The following GGA2 variants were observed in gnomAD, a reference collection of about 807,000 sequenced individuals.
GGA2 encodes the protein ADP-ribosylation factor-binding protein GGA2.
Under a neutral mutation model 79.5 loss-of-function variants are expected in GGA2, and 48 were observed. That is an observed-to-expected ratio of 0.60 (90% confidence interval 0.48 to 0.77). The LOEUF (loss-of-function observed/expected upper bound fraction) is 0.77, where lower values mean the gene tolerates loss of function less well. Among genes scored for constraint, GGA2 ranks in the 30% least tolerant of loss-of-function variants. The pLI is 0.00. For synonymous variants in GGA2, 317 were observed against 302.0 expected (o/e 1.05, Z -0.51); for missense variants, 770 against 774.0 (o/e 0.99, Z 0.06).
At chr16:23,488,920 C>A (rs1311211092) in intron 5 of GGA2, among the ~76,000 whole-genome samples, 1 of 152,162 alleles carries the variant, frequency 6.6e-6, no homozygotes, top group Non-Finnish European at 1.5e-5. Context: ...GACAGCAGAG[C>A]CAACTATGTC....
At chr16:23,476,336 T>C (rs1371926981) in intron 13 of GGA2, among the ~76,000 whole-genome samples, 1 of 152,162 alleles carries the variant, frequency 6.6e-6, no homozygotes, top group Non-Finnish European at 1.5e-5. Flanking sequence ...ATCAGGAACA[T>C]GGGCACTTTC....
Position 23,504,018 on chromosome 16 carries a change from T to C in GGA2, c.91+6303A>G, listed in dbSNP as rs181588047. ...ATTGCTTGAACCCGGGAGACGGAGGTTGCGGTGAGCCAAGATCGTGCCATT... is the reference window on the plus strand; with the variant it reads ...ATTGCTTGAACCCGGGAGACGGAGGCTGCGGTGAGCCAAGATCGTGCCATT... On this transcript the variant is annotated intron_variant, in intron 1 of 16. Coordinates refer to ENST00000309859, the MANE Select transcript of GGA2 (RefSeq NM_015044.4). 1.4e-4 allele frequency among the ~76,000 whole-genome samples: 21 copies of C among 151,414 alleles called. No individual in the cohort carries two copies. The East Asian group carries it at 3.3e-3, about 24-fold the overall frequency.
At chr16:23,512,526 G>A (rs1965078867), upstream of GGA2, among the ~76,000 whole-genome samples, 1 of 150,878 alleles carries the variant, frequency 6.6e-6, no homozygotes, top group Admixed American at 6.7e-5. Flanking sequence ...GATGATTCTT[G>A]TCCACACACA....
At chr16:23,486,228 G>T in intron 7 of GGA2, 76 bp from the exon 8 acceptor site, 1 of 1,360,770 alleles carries the variant, frequency 7.3e-7, no homozygotes, top group Non-Finnish European at 1.0e-6. Context: ...ATGGGAAAGA[G>T]TCACTATTGA....
intron 10 of GGA2, chr16:23,480,180 G>T: frequency 2.5e-6 from 1 of 399,294 alleles, no homozygotes; most frequent in African/African-American, 2.0e-5. Flanking sequence ...CCATTCTGAG[G>T]CTTCTGACCA....
In GGA2 at chr16:23,465,569, C is replaced by G. The variant is rs1374893998; in HGVS notation, c.*2021G>C. The G allele has an allele frequency of 3.2e-6, 2 of 616,056 alleles. No individual in the cohort carries two copies. Among genetic ancestry groups the G allele is most frequent in the Admixed American group, 2.7e-5 (1 of 37,168 alleles). The allele number at this position is 616,056 out of a possible 1,614,324, so 38.2% of individuals were successfully genotyped here. ...TATAAGTCTCATTCACCCATTTTGA[C>G]CAAAACCCTTCAGAGGGAGATGCTG... On this transcript the variant is annotated 3_prime_UTR_variant, in exon 17 of 17. Coordinates refer to ENST00000309859, the MANE Select transcript of GGA2 (RefSeq NM_015044.4).
chr16:23,498,970 G>A (rs1490368976), intron 1 of GGA2, among the ~76,000 whole-genome samples: 3 of 152,174 alleles, frequency 2.0e-5, no homozygotes, highest in African/African-American at 7.2e-5. Context: ...TTCAGCATGT[G>A]ACTGGACCTG....
chr16:23,479,122 G>A, intron 11 of GGA2: 1 of 593,420 alleles, frequency 1.7e-6, no homozygotes. Flanking sequence ...TCCCTTGGCA[G>A]CAGGTATGTG....
Position 23,486,082 on chromosome 16 carries a change from A to C in GGA2, c.731T>G (p.Val244Gly), listed in dbSNP as rs1183836430. Residue 244 changes from valine (V) to glycine (G), a missense_variant, in exon 8 of 17, where the codon GTG (valine) becomes GGG (glycine). By Grantham distance (109) the Val-to-Gly change is moderately radical. Coordinates refer to ENST00000309859, the MANE Select transcript of GGA2 (RefSeq NM_015044.4). ...GTACATGCTCAGCATCTCCTGCAGC[A>C]CCTTCACATGGCTTCGCACTTCCTC... is the stretch of plus-strand genomic sequence containing the variant. ...AVEEVRSHVK[V>G]LQEMLSMYRR... 6.2e-7 allele frequency: 1 copy of C among 1,613,866 alleles called. No homozygotes were observed. Among genetic ancestry groups the C allele is most frequent in the Non-Finnish European group, 8.5e-7 (1 of 1,179,894 alleles).
chr16:23,509,956 C>T (rs962918466), intron 1 of GGA2, among the ~76,000 whole-genome samples: 8 of 151,826 alleles, frequency 5.3e-5, no homozygotes, highest in Admixed American at 3.9e-4. Context: ...ATAATAGAAG[C>T]CAGCTCGGGG....
At chr16:23,471,716 A>C (rs1964513449) in intron 14 of GGA2, among the ~76,000 whole-genome samples, 1 of 152,170 alleles carries the variant, frequency 6.6e-6, no homozygotes, top group South Asian at 2.1e-4. Context: ...CCTGGGCAAT[A>C]CAGTGAGATC....
In GGA2 at chr16:23,467,656, T is replaced by A. The variant is rs777935824; in HGVS notation, c.1776A>T (p.Gly592=). The stretch of plus-strand genomic sequence containing the variant: ...CTTCTCCTACTTCGCTGAAAGGCTG[T>A]CCACCTTGGTTGAATGTCAGCTTGT... ...LRYKLTFNQG[G]QPFSEVGEVK... The change falls in exon 17 of 17, where the codon GGA becomes GGT. Residue 592 remains glycine (G), a synonymous_variant. Coordinates refer to ENST00000309859, the MANE Select transcript of GGA2 (RefSeq NM_015044.4). 3.7e-6 allele frequency: 6 copies of A among 1,609,954 alleles called. No individual in the cohort carries two copies. The Admixed American group carries it at 5.0e-5, about 13-fold the overall frequency.
intron 13 of GGA2, among the ~76,000 whole-genome samples, chr16:23,477,922 C>A (rs1335761610): frequency 1.3e-5 from 2 of 152,048 alleles, no homozygotes; most frequent in African/African-American, 2.4e-5. Flanking sequence ...AGCCACTGCA[C>A]CTGGCCTAAA....
chr16:23,509,812 T>C (rs1169011955), intron 1 of GGA2, among the ~76,000 whole-genome samples: 1 of 148,304 alleles, frequency 6.7e-6, no homozygotes, highest in Non-Finnish European at 1.5e-5. Flanking sequence ...CTGGCCAAAG[T>C]AAACACAAAA....
upstream of GGA2, among the ~76,000 whole-genome samples, chr16:23,515,163 T>C (rs1000452107): frequency 6.6e-6 from 1 of 150,978 alleles, no homozygotes; most frequent in Non-Finnish European, 1.5e-5. Context: ...TATATATATA[T>C]AAATATGTAT....
chr16:23,480,690 C>CA lies in GGA2; in HGVS notation c.960dup (p.Gly321TrpfsTer31). 6.2e-7 allele frequency: 1 copy of CA among 1,613,166 alleles called. No individual in the cohort carries two copies. Among genetic ancestry groups the CA allele is most frequent in the Non-Finnish European group, 8.5e-7 (1 of 1,179,076 alleles). On this transcript the variant is annotated frameshift_variant, in exon 10 of 17. Transcript: ENST00000309859. LOFTEE classifies it high-confidence loss of function. ...CCCAATGAGCTGGTCACTCTGTTTC[C>CA]AAAGGTGACCCGGCCCTCCATCACC... is the stretch of plus-strand genomic sequence containing the variant.
upstream of GGA2, among the ~76,000 whole-genome samples, chr16:23,514,105 T>C (rs1304170158): frequency 6.7e-6 from 1 of 148,500 alleles, no homozygotes; most frequent in Non-Finnish European, 1.5e-5. Context: ...ACATAAAACT[T>C]TTTTTTTTTT....
intron 8 of GGA2, among the ~76,000 whole-genome samples, chr16:23,485,707 C>T (rs150020918): frequency 2.6e-5 from 4 of 152,232 alleles, no homozygotes; most frequent in East Asian, 3.9e-4. Flanking sequence ...CACACAGCAA[C>T]GTGAATGGAT....
At chr16:23,480,003 C>T (rs1964627964) in intron 10 of GGA2, 116 bp from the exon 11 acceptor site, 3 of 922,070 alleles carry the variant, frequency 3.3e-6, no homozygotes, top group Non-Finnish European at 4.9e-6. Context: ...GCCCTCCCTG[C>T]CCTTCCAAGA....
Sources: gnomAD v4.1 joint callset for allele counts (sites outside exome capture counted in the v4.1 genomes callset) on GRCh38, gnomAD v4.1.1 for gene constraint, MANE v1.5 for transcripts, NCBI Gene and HGNC (gene_info 2026-07-23, HGNC 2026-07-21) for gene names.